Variants in ERBB4 observed in about 807,000 individuals in gnomAD.
The protein encoded by ERBB4 is erb-b2 receptor tyrosine kinase 4.
A neutral mutation model predicts 158.0 loss-of-function variants in ERBB4; 42 were observed. The ratio of observed to expected loss-of-function variants is 0.27; its 90% CI spans 0.21 to 0.34. The LOEUF is 0.34. Among genes scored for constraint, ERBB4 ranks in the 10% least tolerant of loss-of-function variants. ERBB4 has a pLI of 1.00. For missense variants in ERBB4, 1,333 were observed against 1,624.1 expected (o/e 0.82, Z 3.08); for synonymous variants, 583 against 558.7 (o/e 1.04, Z -0.61).
At chr2:211,541,581 A>C (rs373331735) in intron 20 of ERBB4, among the ~76,000 whole-genome samples, 3 of 152,028 alleles carry the variant, frequency 2.0e-5, no homozygotes, top group African/African-American at 7.2e-5. Flanking sequence ...TCTTTATAAT[A>C]GGTTGTCTAA....
intron 1 of ERBB4, among the ~76,000 whole-genome samples, chr2:212,273,077 A>C (rs1340660679): frequency 6.6e-6 from 1 of 151,690 alleles, no homozygotes; most frequent in Admixed American, 6.6e-5. Flanking sequence ...TACGACTTTG[A>C]GTATGTGGAT....
At chr2:212,476,988 C>G (rs1689437908) in intron 1 of ERBB4, among the ~76,000 whole-genome samples, 1 of 152,080 alleles carries the variant, frequency 6.6e-6, no homozygotes, top group South Asian at 2.1e-4. Context: ...CACATTCTAA[C>G]TGCCTAAGCG....
chr2:212,077,817 C>G (rs1559453839), intron 2 of ERBB4, among the ~76,000 whole-genome samples: 1 of 152,046 alleles, frequency 6.6e-6, no homozygotes, highest in African/African-American at 2.4e-5. Context: ...TTTAGACCTG[C>G]CTTCTCCATG....
intron 3 of ERBB4, among the ~76,000 whole-genome samples, chr2:211,903,985 C>T (rs1019446236): frequency 1.3e-5 from 2 of 152,012 alleles, no homozygotes; most frequent in Admixed American, 6.6e-5. Context: ...AATTACAACA[C>T]ATCAAATTAT....
chr2:211,808,688 G>C (rs1273577871), intron 3 of ERBB4, among the ~76,000 whole-genome samples: 1 of 152,156 alleles, frequency 6.6e-6, no homozygotes, highest in Non-Finnish European at 1.5e-5. Flanking sequence ...GCTTCATGGG[G>C]ATGGCATTGA....
intron 4 of ERBB4, among the ~76,000 whole-genome samples, chr2:211,786,471 T>G (rs759813509): frequency 1.1e-4 from 16 of 152,220 alleles, no homozygotes; most frequent in Non-Finnish European, 2.4e-4. Flanking sequence ...TTTATAATTT[T>G]TGCACCTGCA....
intron 20 of ERBB4, among the ~76,000 whole-genome samples, chr2:211,541,848 A>G (rs975522429): frequency 2.0e-5 from 3 of 152,044 alleles, no homozygotes; most frequent in African/African-American, 7.2e-5. Context: ...TAAGTTCTTT[A>G]TGCATGTTAA....
At chr2:211,608,334 T>G (rs923161506) in intron 19 of ERBB4, among the ~76,000 whole-genome samples, 1 of 152,136 alleles carries the variant, frequency 6.6e-6, no homozygotes, top group African/African-American at 2.4e-5. Flanking sequence ...GTGGCCCACC[T>G]GCCTCTCATT....
At chr2:212,239,017 T>G (rs2106007115) in intron 1 of ERBB4, among the ~76,000 whole-genome samples, 1 of 152,326 alleles carries the variant, frequency 6.6e-6, no homozygotes, top group South Asian at 2.1e-4. Context: ...TTAATGGCCT[T>G]TATTAAATCC....
intron 2 of ERBB4, among the ~76,000 whole-genome samples, chr2:212,077,476 A>G (rs1354297519): frequency 6.6e-6 from 1 of 152,040 alleles, no homozygotes; most frequent in East Asian, 1.9e-4. Flanking sequence ...CAGTGAACCC[A>G]GGTAACATGA....
intron 19 of ERBB4, among the ~76,000 whole-genome samples, chr2:211,592,329 G>C (rs867922959): frequency 2.6e-5 from 4 of 152,134 alleles, no homozygotes; most frequent in Admixed American, 2.0e-4. Context: ...GGGGCTGCCA[G>C]TGAAAGAGCC....
At chr2:212,080,281 C>G (rs764150677) in intron 2 of ERBB4, among the ~76,000 whole-genome samples, 7 of 150,584 alleles carry the variant, frequency 4.6e-5, no homozygotes, top group Non-Finnish European at 1.0e-4. Context: ...CCACTGCACT[C>G]CAGCCTGACA....
chr2:211,635,393 T>C (rs1023415820), intron 16 of ERBB4, among the ~76,000 whole-genome samples: 1 of 152,226 alleles, frequency 6.6e-6, no homozygotes, highest in African/African-American at 2.4e-5. Flanking sequence ...GATTAAATTC[T>C]ACTGACTTGA....
intron 3 of ERBB4, among the ~76,000 whole-genome samples, chr2:211,898,439 T>C (rs1035688923): frequency 5.9e-5 from 9 of 152,186 alleles, no homozygotes; most frequent in African/African-American, 9.6e-5. Context: ...AGAGGCATAA[T>C]AGATTTTCTT....
intron 1 of ERBB4, among the ~76,000 whole-genome samples, chr2:212,520,073 A>T (rs569224196): frequency 2.5e-4 from 29 of 117,030 alleles, no homozygotes; most frequent in African/African-American, 8.5e-4. Flanking sequence ...CAAAAGAAAC[A>T]TATATCAGGA....
intron 1 of ERBB4, among the ~76,000 whole-genome samples, chr2:212,191,850 T>C (rs2082247070): frequency 7.9e-6 from 1 of 127,006 alleles, no homozygotes; most frequent in Admixed American, 9.1e-5. Flanking sequence ...ATACATGTTA[T>C]ATATGTTCTA....
chr2:211,851,652 T>C (rs1300829316), intron 3 of ERBB4, among the ~76,000 whole-genome samples: 1 of 151,922 alleles, frequency 6.6e-6, no homozygotes, highest in South Asian at 2.1e-4. Context: ...GTTATAAGGA[T>C]CACGTGGTAT....
At chr2:212,382,698 T>C (rs570361752) in intron 1 of ERBB4, among the ~76,000 whole-genome samples, 1 of 151,438 alleles carries the variant, frequency 6.6e-6, no homozygotes, top group African/African-American at 2.4e-5. Context: ...ATAACAGCGG[T>C]ATTTTTTCTG....
intron 12 of ERBB4, among the ~76,000 whole-genome samples, chr2:211,695,857 T>C (rs1159621565): frequency 2.6e-5 from 4 of 152,230 alleles, no homozygotes; most frequent in Non-Finnish European, 5.9e-5. Flanking sequence ...GAATGTCTAA[T>C]ATATAAACTA....
Sources: gnomAD v4.1 joint callset for allele counts (sites outside exome capture counted in the v4.1 genomes callset) on GRCh38, gnomAD v4.1.1 for gene constraint, MANE v1.5 for transcripts, NCBI Gene and HGNC (gene_info 2026-07-23, HGNC 2026-07-21) for gene names.